GLIS3: variants seen among roughly 807,000 people sequenced by gnomAD.
GLIS3 encodes the protein GLIS family zinc finger 3.
GLIS3 carries 53 observed loss-of-function variants against 78.6 expected under a neutral mutation model. The observed-to-expected ratio is 0.67, with a 90% CI of 0.54 to 0.85. The LOEUF (loss-of-function observed/expected upper bound fraction) is 0.85. Among genes scored for constraint, GLIS3 ranks in the 40% least tolerant of loss-of-function variants. The probability of loss-of-function intolerance (pLI) is 0.00; values close to 1 mark genes in which losing one functional copy is unlikely to be tolerated. For synonymous variants in GLIS3, 684 were observed against 509.9 expected (o/e 1.34, Z -4.60); for missense variants, 1,703 against 1,231.1 (o/e 1.38, Z -5.74).
intron 2 of GLIS3, among the ~76,000 whole-genome samples, chr9:4,267,079 A>C (rs954840341): frequency 3.3e-5 from 5 of 152,186 alleles, no homozygotes; most frequent in Admixed American, 6.5e-5. Flanking sequence ...GCATGAGCGT[A>C]AAGGTGAGTG....
At chr9:4,356,905 G>T in the GLIS3 span, among the ~76,000 whole-genome samples, 2 of 152,192 alleles carry the variant, frequency 1.3e-5, no homozygotes, top group African/African-American at 4.8e-5. Flanking sequence ...ATTATACCAG[G>T]AGCTGGAATT....
intron 4 of GLIS3, among the ~76,000 whole-genome samples, chr9:4,113,263 G>A (rs549191733): frequency 1.3e-5 from 2 of 151,892 alleles, no homozygotes; most frequent in South Asian, 2.1e-4. Context: ...GGACAGTTAC[G>A]TTATTTATAC....
At chr9:4,464,459 A>C in the GLIS3 span, among the ~76,000 whole-genome samples, 1 of 151,942 alleles carries the variant, frequency 6.6e-6, no homozygotes, top group Non-Finnish European at 1.5e-5. Flanking sequence ...CAGTGGCACA[A>C]TCTCAGTTCA....
intron 2 of GLIS3, among the ~76,000 whole-genome samples, chr9:4,227,863 C>T (rs189126006): frequency 4.1e-4 from 62 of 152,348 alleles, no homozygotes; most frequent in African/African-American, 1.5e-3. Context: ...TTCTTCACTT[C>T]CCATTTCCAA....
At chr9:3,829,607 T>A in intron 9 of GLIS3, 115 bp from the exon 10 acceptor site, 4 of 951,566 alleles carry the variant, frequency 4.2e-6, no homozygotes, top group Non-Finnish European at 5.0e-6. Context: ...TGCCTTTAAC[T>A]CTTAAGGCCA....
At chr9:4,261,897 T>C (rs554941605) in intron 2 of GLIS3, among the ~76,000 whole-genome samples, 21 of 152,272 alleles carry the variant, frequency 1.4e-4, no homozygotes, top group African/African-American at 4.8e-4. Context: ...TTATAGCACA[T>C]CGCAACTAGT....
intron 2 of GLIS3, among the ~76,000 whole-genome samples, chr9:4,268,004 A>G (rs12336304): frequency 6.6e-6 from 1 of 151,192 alleles, no homozygotes; most frequent in African/African-American, 2.4e-5. Context: ...TATGTGTGTG[A>G]ATATATACAT....
chr9:3,898,864 A>T, intron 6 of GLIS3, 29 bp from the exon 7 acceptor site: 7 of 1,613,320 alleles, frequency 4.3e-6, no homozygotes, highest in Non-Finnish European at 5.9e-6. Flanking sequence ...AGAGACATCG[A>T]TAAGGAGAGC....
chr9:3,968,450 T>C (rs775312044), intron 4 of GLIS3, among the ~76,000 whole-genome samples: 16 of 152,210 alleles, frequency 1.1e-4, no homozygotes, highest in Non-Finnish European at 1.9e-4. Context: ...AATGAAATGC[T>C]GACTATATGC....
At chr9:4,390,371 CT>C in the GLIS3 span, among the ~76,000 whole-genome samples, 4,761 of 144,592 alleles carry the variant, frequency 0.033, 83 homozygotes, top group Non-Finnish European at 0.037. Flanking sequence ...TGATAAAAGT[CT>C]TTTTTTTTTT....
intron 4 of GLIS3, among the ~76,000 whole-genome samples, chr9:4,002,867 T>C (rs1408446733): frequency 6.6e-6 from 1 of 152,204 alleles, no homozygotes; most frequent in Admixed American, 6.5e-5. Flanking sequence ...ATGAGCGTGA[T>C]GGTTAGAACT....
At chr9:3,970,926 T>G (rs565661830) in intron 4 of GLIS3, among the ~76,000 whole-genome samples, 4 of 140,996 alleles carry the variant, frequency 2.8e-5, no homozygotes, top group Middle Eastern at 3.4e-3. Flanking sequence ...TGAGGGGAAA[T>G]AAAAAAAGGA....
At chr9:4,162,982 C>A (rs1835613927) in intron 2 of GLIS3, among the ~76,000 whole-genome samples, 1 of 151,930 alleles carries the variant, frequency 6.6e-6, no homozygotes, top group South Asian at 2.1e-4. Flanking sequence ...GGACCCAGCT[C>A]CCTAAGTAGG....
At chr9:4,162,012 G>A (rs1296201167) in intron 2 of GLIS3, among the ~76,000 whole-genome samples, 1 of 152,032 alleles carries the variant, frequency 6.6e-6, no homozygotes, top group Non-Finnish European at 1.5e-5. Flanking sequence ...AAATCAAGGT[G>A]TTGGCAGGGC....
chr9:4,175,823 T>G (rs149885599), intron 2 of GLIS3, among the ~76,000 whole-genome samples: 352 of 152,338 alleles, frequency 2.3e-3, no homozygotes, highest in African/African-American at 8.2e-3. Context: ...TACATGTCTT[T>G]TTTTGGTTCG....
upstream of GLIS3, among the ~76,000 whole-genome samples, chr9:4,304,653 G>T (rs1817182572): frequency 1.3e-5 from 2 of 152,166 alleles, no homozygotes; most frequent in Non-Finnish European, 2.9e-5. Context: ...TGGAAATGAA[G>T]AAGGCAGCGC....
chr9:4,045,346 T>A (rs138141879), intron 4 of GLIS3, among the ~76,000 whole-genome samples: 160 of 151,908 alleles, frequency 1.1e-3, no homozygotes, highest in South Asian at 1.5e-3. Flanking sequence ...AATGAAAAAA[T>A]TTTTTTTGAG....
intron 4 of GLIS3, among the ~76,000 whole-genome samples, chr9:4,078,932 T>C (rs1828313385): frequency 6.6e-6 from 1 of 151,748 alleles, no homozygotes; most frequent in Non-Finnish European, 1.5e-5. Flanking sequence ...ATCAGAAAAA[T>C]GATTAAGCTA....
chr9:4,217,320 G>A (rs1273761227), intron 2 of GLIS3, among the ~76,000 whole-genome samples: 1 of 152,068 alleles, frequency 6.6e-6, no homozygotes. Flanking sequence ...AAAGCACTGT[G>A]GTATTTAAAA....
Sources: gnomAD v4.1 joint callset for allele counts (sites outside exome capture counted in the v4.1 genomes callset) on GRCh38, gnomAD v4.1.1 for gene constraint, MANE v1.5 for transcripts, NCBI Gene and HGNC (gene_info 2026-07-23, HGNC 2026-07-21) for gene names.